SCN2A: variants seen among roughly 807,000 people sequenced by gnomAD.
SCN2A encodes the protein sodium voltage-gated channel alpha subunit 2, also known as sodium channel protein type 2 subunit alpha.
A neutral mutation model predicts 188.7 loss-of-function variants in SCN2A; 20 were observed. That is an observed-to-expected ratio of 0.11 (90% CI 0.07 to 0.15). SCN2A has a LOEUF of 0.15. Among genes scored for constraint, SCN2A ranks in the 10% least tolerant of loss-of-function variants. The probability of loss-of-function intolerance (pLI) is 1.00; values close to 1 mark genes in which losing one functional copy is unlikely to be tolerated. For synonymous variants in SCN2A, 804 were observed against 833.1 expected (o/e 0.97, Z 0.60); for missense variants, 1,278 against 2,445.0 (o/e 0.52, Z 10.07).
At chr2:165,328,399 T>G in intron 13 of SCN2A, 1 of 797,092 alleles carries the variant, frequency 1.3e-6, no homozygotes, top group Non-Finnish European at 1.5e-6. Flanking sequence ...TCCCTGTCCC[T>G]CCAGGTAAAT....
intron 3 of SCN2A, among the ~76,000 whole-genome samples, chr2:165,300,911 G>A (rs1438654723): frequency 1.3e-5 from 2 of 151,994 alleles, no homozygotes; most frequent in Non-Finnish European, 2.9e-5. Context: ...AAGAGTGGAA[G>A]CAAGGAGACT....
chr2:165,326,394 C>T (rs777132014), intron 12 of SCN2A, among the ~76,000 whole-genome samples: 1 of 152,164 alleles, frequency 6.6e-6, no homozygotes, highest in Non-Finnish European at 1.5e-5. Context: ...AACTGGAATT[C>T]ACATTTTAGG....
chr2:165,313,490 G>C (rs1697552865), intron 8 of SCN2A, 130 bp from the exon 9 acceptor site: 7 of 920,906 alleles, frequency 7.6e-6, no homozygotes, highest in Non-Finnish European at 1.2e-5. Flanking sequence ...TTAAGTACTG[G>C]GTAAGGTGAG....
rs1559355886 is a variant in SCN2A at position 165,313,952 on chromosome 2, T to C, written c.1227T>C (p.Ile409=). The C allele has an allele frequency of 6.2e-7, 1 of 1,613,888 alleles. No individual in the cohort carries two copies. ...KTYMIFFVLV[I]FLGSFYLINL... The stretch of plus-strand genomic sequence containing the variant: ...ACATGATATTTTTTGTGCTGGTCAT[T>C]TTCTTGGGCTCATTCTATCTAATAA... The change falls in exon 10 of 27, where the codon ATT becomes ATC. Residue 409 remains isoleucine, a synonymous_variant. Transcript: ENST00000375437.
intron 1 of SCN2A, chr2:165,274,380 AAAGG>A (rs1464942841): frequency 2.0e-5 from 3 of 150,052 alleles, no homozygotes; most frequent in East Asian, 1.9e-4. Flanking sequence ...AAAAAAAAAG[AAAGG>A]AAGGAAAAAC....
At chr2:165,309,074 C>T (rs1190898081) in intron 5 of SCN2A, 28 of 1,370,466 alleles carry the variant, frequency 2.0e-5, no homozygotes, top group East Asian at 9.3e-5. Context: ...AAGCTGATGG[C>T]GACACTCATG....
chr2:165,358,421 A>G (rs1700287410), intron 17 of SCN2A, among the ~76,000 whole-genome samples: 1 of 152,166 alleles, frequency 6.6e-6, no homozygotes, highest in South Asian at 2.1e-4. Flanking sequence ...TGCTAGCAGC[A>G]TGGGTATAAT....
At chr2:165,353,792 T>C (rs1226668190) in intron 16 of SCN2A, among the ~76,000 whole-genome samples, 1 of 152,088 alleles carries the variant, frequency 6.6e-6, no homozygotes, top group Non-Finnish European at 1.5e-5. Context: ...TCCAAACACC[T>C]ACCACCAGGC....
intron 16 of SCN2A, among the ~76,000 whole-genome samples, chr2:165,351,085 A>C (rs192267282): frequency 6.6e-6 from 1 of 152,200 alleles, no homozygotes; most frequent in Non-Finnish European, 1.5e-5. Flanking sequence ...TATTTTATAG[A>C]TGAGGAAACT....
At chr2:165,358,242 A>G (rs1273391375) in intron 17 of SCN2A, among the ~76,000 whole-genome samples, 3 of 152,190 alleles carry the variant, frequency 2.0e-5, no homozygotes, top group Non-Finnish European at 2.9e-5. Flanking sequence ...TCTTTAAAAA[A>G]AAGATAGCCC....
Position 165,326,861 on chromosome 2 carries a change from A to G in SCN2A, c.2026A>G (p.Thr676Ala). The G allele has an allele frequency of 6.2e-7, 1 of 1,613,964 alleles. No homozygotes were observed. The highest frequency in any genetic ancestry group is 8.5e-7 in the Non-Finnish European group (1 of 1,179,892). Residue 676 changes from threonine (T) to alanine (A), a missense_variant, in exon 13 of 27, where the codon ACT (threonine) becomes GCT (alanine). This residue lies in a region of SCN2A where 315 missense variants were observed against 386.6 expected (regional missense o/e 0.81). Coordinates refer to ENST00000375437, the MANE Select transcript of SCN2A (RefSeq NM_001040142.2). ...GAAATTCTACTTCTAGGGCACAACT[A>G]CTGAAACAGAAATAAGAAAGAGACG... The part of the protein sequence containing the change: ...AGQLLPEGTT[T>A]ETEIRKRRSS...
At chr2:165,310,208 ATTG>A (rs1182874418) in intron 6 of SCN2A, 112 bp from the exon 7 acceptor site, 1 of 1,104,380 alleles carries the variant, frequency 9.1e-7, no homozygotes, top group Non-Finnish European at 1.4e-6. Context: ...TTAAACTAAT[ATTG>A]TTGGCATTCT....
chr2:165,339,115 G>A (rs1449923103), intron 14 of SCN2A, among the ~76,000 whole-genome samples: 1 of 152,008 alleles, frequency 6.6e-6, no homozygotes, highest in Non-Finnish European at 1.5e-5. Context: ...CAGCTAACAG[G>A]GAGGCTGAGG....
At chr2:165,369,006 G>A (rs1700880059) in intron 19 of SCN2A, among the ~76,000 whole-genome samples, 5 of 151,960 alleles carry the variant, frequency 3.3e-5, no homozygotes, top group Admixed American at 3.3e-4. Context: ...ACTCACTGCA[G>A]CCTCCATCTC....
intron 2 of SCN2A, 90 bp downstream of exon 2, chr2:165,296,180 T>A: frequency 8.0e-7 from 1 of 1,245,208 alleles, no homozygotes; most frequent in South Asian, 1.2e-5. Context: ...GCTGGCCTCC[T>A]TCCCTCTGTC....
intron 20 of SCN2A, chr2:165,371,088 C>T (rs1701001974): frequency 6.6e-6 from 1 of 152,130 alleles, no homozygotes; most frequent in Non-Finnish European, 1.5e-5. Context: ...TATTTCTTTT[C>T]TCTATTTTCT....
intron 16 of SCN2A, among the ~76,000 whole-genome samples, chr2:165,346,675 C>G (rs138218313): frequency 6.6e-6 from 1 of 152,120 alleles, no homozygotes; most frequent in Non-Finnish European, 1.5e-5. Context: ...AGGCAACCTA[C>G]AGAATGGGAG....
intron 14 of SCN2A, among the ~76,000 whole-genome samples, chr2:165,340,695 T>G (rs1253305956): frequency 6.6e-6 from 1 of 152,148 alleles, no homozygotes; most frequent in Non-Finnish European, 1.5e-5. Context: ...CAGAGAGAGT[T>G]CTGAATAAAT....
chr2:165,272,328 G>C (rs353123), intron 1 of SCN2A: 4 of 151,694 alleles, frequency 2.6e-5, no homozygotes, highest in Admixed American at 6.6e-5. Context: ...ATCTTAAAAG[G>C]GTATAACAAA....
Sources: gnomAD v4.1 joint callset for allele counts (sites outside exome capture counted in the v4.1 genomes callset) on GRCh38, gnomAD v4.1.1 for gene constraint, gnomAD v4.1.1 regional missense constraint, MANE v1.5 for transcripts, NCBI Gene and HGNC (gene_info 2026-07-23, HGNC 2026-07-21) for gene names.